Variants in ELMO1 observed in about 807,000 individuals in gnomAD.
The protein encoded by ELMO1 is engulfment and cell motility protein 1.
In ELMO1, 26 loss-of-function variants were observed where a neutral mutation model predicts 98.9. That is an observed-to-expected ratio of 0.26 (90% CI 0.19 to 0.36). ELMO1 has a LOEUF of 0.36. Among genes scored for constraint, ELMO1 ranks in the 10% least tolerant of loss-of-function variants. ELMO1 has a pLI of 1.00. For synonymous variants in ELMO1, 346 were observed against 346.0 expected, an observed-to-expected ratio of 1.00 and a Z score of 0.00; for missense variants, 627 against 935.2, an observed-to-expected ratio of 0.67 and a Z score of 4.30.
chr7:37,025,908 T>TCTATCTAG (rs1272648528), intron 15 of ELMO1, among the ~76,000 whole-genome samples: 1 of 148,812 alleles, frequency 6.7e-6, no homozygotes, highest in Non-Finnish European at 1.5e-5. Context: ...TATCTATCTA[T>TCTATCTAG]CTATCTATCT....
At position 37,231,905 on chromosome 7, in the gene ELMO1, T is replaced by C. The variant is rs908394506; in HGVS notation, c.549+1190A>G. On this transcript the variant is annotated intron_variant, in intron 8 of 21. Transcript: ENST00000310758. ...TCTCACTCCGTCACCCAGACTGGAG[T>C]GTAGTGGTGCAATGTCGGCTCACTG... Among the ~76,000 whole-genome samples the C allele has an allele frequency of 2.0e-5, 3 of 152,128 alleles. No homozygotes were observed. The South Asian group carries it at 6.2e-4, about 32-fold the overall frequency.
intron 4 of ELMO1, among the ~76,000 whole-genome samples, chr7:37,310,873 C>T (rs1296040478): frequency 6.6e-6 from 1 of 152,180 alleles, no homozygotes; most frequent in Admixed American, 6.5e-5. Flanking sequence ...AAAATGAAGA[C>T]ACCAATACCT....
At chr7:37,068,379 T>C (rs571177206) in intron 15 of ELMO1, among the ~76,000 whole-genome samples, 3 of 152,180 alleles carry the variant, frequency 2.0e-5, no homozygotes, top group Non-Finnish European at 4.4e-5. Context: ...TAATAGAATA[T>C]TTGTGACCAT....
At chr7:37,288,995 A>C (rs1265718318) in intron 4 of ELMO1, among the ~76,000 whole-genome samples, 1 of 152,148 alleles carries the variant, frequency 6.6e-6, no homozygotes, top group African/African-American at 2.4e-5. Context: ...ACCTCGATCT[A>C]AAATTAATTG....
chr7:37,225,400 A>G (rs1451056749), intron 8 of ELMO1, among the ~76,000 whole-genome samples: 3 of 152,188 alleles, frequency 2.0e-5, no homozygotes, highest in African/African-American at 7.2e-5. Context: ...ATGTCAACAT[A>G]TGTTAATTGC....
chr7:36,892,587 T>C lies in ELMO1; in HGVS notation c.1601+2267A>G, dbSNP rs573194129. Among the ~76,000 whole-genome samples, 102 of 152,346 alleles carry C rather than the reference T, an allele frequency of 6.7e-4. 1 individual carries two copies. Among genetic ancestry groups the C allele is most frequent in the African/African-American group, 2.4e-3 (101 of 41,566 alleles). ...AATGAATGAAAACAAGCATACATGGTCTACTCCTCTATTTCTTTCTCTTAG... is the reference window on the plus strand; with the variant it reads ...AATGAATGAAAACAAGCATACATGGCCTACTCCTCTATTTCTTTCTCTTAG... On this transcript the variant is annotated intron_variant, in intron 17 of 21. Coordinates refer to ENST00000310758, the MANE Select transcript of ELMO1 (RefSeq NM_014800.11).
rs373722425 is a variant in ELMO1 at position 37,053,453 on chromosome 7, A to G, written c.1301-40018T>C. On this transcript the variant is annotated intron_variant, in intron 15 of 21. Transcript: ENST00000310758. ...TATCTTTTCACTTGATGATTATTGA[A>G]ATACTTGAAGAGAGTTCATGTGTTT... Among the ~76,000 whole-genome samples the G allele has an allele frequency of 3.9e-5, 6 of 152,250 alleles. No individual in the cohort carries two copies. In the East Asian group the frequency reaches 9.7e-4, roughly 25 times the overall value.
intron 13 of ELMO1, among the ~76,000 whole-genome samples, chr7:37,186,019 G>T (rs992826389): frequency 1.3e-5 from 2 of 152,114 alleles, no homozygotes; most frequent in Non-Finnish European, 2.9e-5. Context: ...AAATAATCTT[G>T]AAAACTAACA....
chr7:37,020,728 T>A (rs1395842535), intron 15 of ELMO1, among the ~76,000 whole-genome samples: 1 of 149,854 alleles, frequency 6.7e-6, no homozygotes, highest in African/African-American at 2.5e-5. Context: ...AATATGAATA[T>A]TTTTTACCAT....
At chr7:36,867,672 C>A (rs1409820560) in intron 20 of ELMO1, among the ~76,000 whole-genome samples, 1 of 152,176 alleles carries the variant, frequency 6.6e-6, no homozygotes, top group Non-Finnish European at 1.5e-5. Context: ...GCACTGCCTT[C>A]ACTGCATCCC....
intron 16 of ELMO1, among the ~76,000 whole-genome samples, chr7:37,012,343 C>G (rs1793619564): frequency 2.0e-5 from 3 of 152,128 alleles, no homozygotes; most frequent in South Asian, 4.1e-4. Context: ...ATATTAAGTG[C>G]AGGTGAAATT....
intron 1 of ELMO1, among the ~76,000 whole-genome samples, chr7:37,432,827 C>G (rs1009972885): frequency 1.3e-5 from 2 of 152,206 alleles, no homozygotes; most frequent in African/African-American, 4.8e-5. Flanking sequence ...GAAACGTTTT[C>G]TATGTTCTTT....
intron 16 of ELMO1, among the ~76,000 whole-genome samples, chr7:36,974,758 C>A (rs1361999272): frequency 6.6e-6 from 1 of 152,196 alleles, no homozygotes; most frequent in Non-Finnish European, 1.5e-5. Flanking sequence ...ATAAGTCTTG[C>A]TACTGCTCAC....
chr7:37,368,763 TC>T (rs1280701721), intron 1 of ELMO1, among the ~76,000 whole-genome samples: 5 of 152,150 alleles, frequency 3.3e-5, no homozygotes, highest in Admixed American at 2.0e-4. Context: ...TCCTGACACC[TC>T]CCTCAGAGCT....
chr7:37,249,209 A>T (rs1795182297), intron 6 of ELMO1, among the ~76,000 whole-genome samples: 1 of 152,248 alleles, frequency 6.6e-6, no homozygotes, highest in Non-Finnish European at 1.5e-5. Context: ...AAGAATTTGA[A>T]TAACGAAAGG....
chr7:36,977,308 T>C (rs956998772), intron 16 of ELMO1, among the ~76,000 whole-genome samples: 7 of 152,254 alleles, frequency 4.6e-5, no homozygotes, highest in African/African-American at 1.7e-4. Flanking sequence ...GCAAAATGCC[T>C]GGCACACAGA....
chr7:36,990,205 C>T (rs1791782969), intron 16 of ELMO1, among the ~76,000 whole-genome samples: 1 of 152,162 alleles, frequency 6.6e-6, no homozygotes, highest in East Asian at 1.9e-4. Context: ...TTAACCTGGA[C>T]TTTCTGGCGA....
At chr7:37,296,530 C>A (rs531496827) in intron 4 of ELMO1, among the ~76,000 whole-genome samples, 1 of 152,194 alleles carries the variant, frequency 6.6e-6, no homozygotes, top group African/African-American at 2.4e-5. Context: ...CGTTGCCATA[C>A]GCTGTGACAC....
At chr7:37,138,834 T>C (rs778825250) in intron 13 of ELMO1, among the ~76,000 whole-genome samples, 7 of 152,140 alleles carry the variant, frequency 4.6e-5, no homozygotes, top group Non-Finnish European at 8.8e-5. Context: ...AATAAAATAC[T>C]AGTGAACCAA....
Sources: allele counts gnomAD v4.1 joint callset (sites outside exome capture counted in the v4.1 genomes callset), GRCh38; gene constraint gnomAD v4.1.1; transcripts MANE v1.5; gene names NCBI Gene and HGNC (gene_info 2026-07-23, HGNC 2026-07-21).